The following PIGL variants were observed in gnomAD, a reference collection of about 807,000 sequenced individuals.
PIGL encodes the protein N-acetylglucosaminyl-phosphatidylinositol de-N-acetylase.
PIGL carries 22 observed loss-of-function variants against 31.1 expected under a neutral mutation model. That is an observed-to-expected ratio of 0.71 (90% CI 0.51 to 1.01). The LOEUF (loss-of-function observed/expected upper bound fraction) is 1.01. Ranked by LOEUF, PIGL falls within the 50% of genes least tolerant of loss-of-function variation. The probability of loss-of-function intolerance (pLI) is 0.00; values close to 1 mark genes in which losing one functional copy is unlikely to be tolerated. For synonymous variants in PIGL, 131 were observed against 117.4 expected (o/e 1.12, Z -0.75); for missense variants, 302 against 315.9 (o/e 0.96, Z 0.33).
At chr17:16,290,992 T>C (rs1187587277) in intron 2 of PIGL, among the ~76,000 whole-genome samples, 1 of 152,198 alleles carries the variant, frequency 6.6e-6, no homozygotes, top group African/African-American at 2.4e-5. Flanking sequence ...CAGATATTCT[T>C]TAAGTGTAAA....
At chr17:16,306,441 T>A (rs1488415567) in intron 3 of PIGL, among the ~76,000 whole-genome samples, 1 of 151,542 alleles carries the variant, frequency 6.6e-6, no homozygotes, top group East Asian at 1.9e-4. Context: ...TAGACTTTGA[T>A]CTCCCCCAAC....
At chr17:16,282,793 G>C (rs2092921914) in intron 2 of PIGL, among the ~76,000 whole-genome samples, 1 of 152,132 alleles carries the variant, frequency 6.6e-6, no homozygotes, top group Non-Finnish European at 1.5e-5. Context: ...CAAGAAGCTG[G>C]GAAAGATGTC....
intron 2 of PIGL, among the ~76,000 whole-genome samples, chr17:16,263,952 C>A (rs2092830213): frequency 6.7e-6 from 1 of 149,554 alleles, no homozygotes; most frequent in Admixed American, 6.8e-5. Flanking sequence ...AGCGATTCTC[C>A]TGCCTCAGCC....
chr17:16,262,352 T>A (rs751922397), intron 2 of PIGL, among the ~76,000 whole-genome samples: 2 of 152,152 alleles, frequency 1.3e-5, no homozygotes, highest in African/African-American at 4.8e-5. Context: ...AAGTCATTAG[T>A]GGAATGCAAA....
chr17:16,251,107 AAGC>A (rs1466198089), intron 2 of PIGL, among the ~76,000 whole-genome samples: 1 of 152,168 alleles, frequency 6.6e-6, no homozygotes, highest in African/African-American at 2.4e-5. Flanking sequence ...TTCTTCAGGG[AAGC>A]AGATCACCAC....
chr17:16,286,166 C>G (rs1262811606), intron 2 of PIGL, among the ~76,000 whole-genome samples: 2 of 152,256 alleles, frequency 1.3e-5, no homozygotes, highest in Non-Finnish European at 2.9e-5. Flanking sequence ...GTACAAGCCA[C>G]AAGACCAAAT....
chr17:16,256,875 A>G (rs2092796033), intron 2 of PIGL, among the ~76,000 whole-genome samples: 1 of 151,670 alleles, frequency 6.6e-6, no homozygotes, highest in Admixed American at 6.6e-5. Flanking sequence ...TTTAGTAGAG[A>G]TGAGTTTTGC....
chr17:16,306,153 C>T (rs2093025339), intron 3 of PIGL, among the ~76,000 whole-genome samples: 1 of 151,942 alleles, frequency 6.6e-6, no homozygotes, highest in Admixed American at 6.6e-5. Flanking sequence ...GTTTCACCAA[C>T]CTGGCCAGGC....
chr17:16,256,585 C>T (rs1442179807), intron 2 of PIGL, among the ~76,000 whole-genome samples: 1 of 152,034 alleles, frequency 6.6e-6, no homozygotes, highest in Admixed American at 6.6e-5. Context: ...CTCCTGATCT[C>T]GTGATCTGCC....
intron 1 of PIGL, among the ~76,000 whole-genome samples, chr17:16,222,360 A>C (rs536406010): frequency 6.6e-5 from 10 of 151,984 alleles, no homozygotes; most frequent in Admixed American, 5.9e-4. Context: ...TTGGATTTGC[A>C]TGAATAATTC....
chr17:16,234,152 G>T, intron 2 of PIGL, 82 bp downstream of exon 2: 1 of 774,010 alleles, frequency 1.3e-6, no homozygotes. Flanking sequence ...AAAAACTAAT[G>T]TGAGTGGCTG....
At position 16,220,477 on chromosome 17, in the gene PIGL, G is replaced by GTTTTTTTT. The variant is rs1171079537; in HGVS notation, c.235+3018_235+3019insTTTTTTTT. ...TTCTTTATTTGTGTTTTTTTAAATT[G>GTTTTTTTT]TTATTTTTTTTTTTTTTTTTTTTTT... On this transcript the variant is annotated intron_variant, in intron 1 of 6. Transcript: ENST00000225609. Among the ~76,000 whole-genome samples, 6 of 70,054 alleles carry GTTTTTTTT rather than the reference G, an allele frequency of 8.6e-5. 1 individual carries two copies. The highest frequency in any genetic ancestry group is 3.0e-4 in the African/African-American group (6 of 20,004). The allele number at this position is 70,054 out of a possible 152,430, so 46.0% of individuals were successfully genotyped here.
rs141728890 is a variant in PIGL, at chr17:16,277,961, G to A, written c.336-21927G>A. ...AAATACAGCCCAAAGAAAGCCAAGC[G>A]CCATTTCATATTTGACAGTGCTTCC... On this transcript the variant is annotated intron_variant, in intron 2 of 6. Transcript: ENST00000225609. Among the ~76,000 whole-genome samples the A allele has an allele frequency of 4.9e-3, 738 of 152,010 alleles. 9 individuals carry two copies. The highest frequency in any genetic ancestry group is 0.017 in the African/African-American group (691 of 41,436).
intron 2 of PIGL, among the ~76,000 whole-genome samples, chr17:16,249,166 A>G (rs1371487312): frequency 6.6e-6 from 1 of 152,198 alleles, no homozygotes. Flanking sequence ...AGAAATAAAC[A>G]ATTTATACAT....
At chr17:16,300,142 A>T (rs1314588585) in intron 3 of PIGL, 164 bp downstream of exon 3, 4 of 599,176 alleles carry the variant, frequency 6.7e-6, no homozygotes, top group Non-Finnish European at 1.2e-5. Flanking sequence ...AACCTACTGA[A>T]GAACAAACAC....
intron 6 of PIGL, among the ~76,000 whole-genome samples, chr17:16,320,238 GAAGGA>G (rs2093098022): frequency 1.9e-5 from 2 of 106,858 alleles, no homozygotes; most frequent in South Asian, 7.8e-4. Flanking sequence ...AGGAAGGAAG[GAAGGA>G]AGGAAGGAAA....
At chr17:16,313,184 A>G (rs1341674395) in intron 3 of PIGL, among the ~76,000 whole-genome samples, 1 of 152,224 alleles carries the variant, frequency 6.6e-6, no homozygotes, top group Non-Finnish European at 1.5e-5. Context: ...CCAGTAATTC[A>G]GGCTGTATCT....
intron 2 of PIGL, among the ~76,000 whole-genome samples, chr17:16,289,682 T>C (rs2092952146): frequency 6.6e-6 from 1 of 152,234 alleles, no homozygotes; most frequent in Non-Finnish European, 1.5e-5. Context: ...AAGTCATAAG[T>C]AGCAAGGGAA....
At chr17:16,226,475 A>T (rs2142650671) in intron 1 of PIGL, among the ~76,000 whole-genome samples, 1 of 152,290 alleles carries the variant, frequency 6.6e-6, no homozygotes, top group East Asian at 1.9e-4. Context: ...ACCTATCCTT[A>T]AAAATCTTGC....
Sources: gnomAD v4.1 joint callset for allele counts (sites outside exome capture counted in the v4.1 genomes callset) on GRCh38, gnomAD v4.1.1 for gene constraint, MANE v1.5 for transcripts, NCBI Gene and HGNC (gene_info 2026-07-23, HGNC 2026-07-21) for gene names.